FBXO41: variants seen among roughly 807,000 people sequenced by gnomAD.
The protein encoded by FBXO41 is F-box protein 41.
In FBXO41, 33 loss-of-function variants were observed where a neutral mutation model predicts 81.6. That is an observed-to-expected ratio of 0.40 (90% CI 0.31 to 0.54). The LOEUF (loss-of-function observed/expected upper bound fraction) is 0.54, where lower values mean the gene tolerates loss of function less well. Among genes scored for constraint, FBXO41 ranks in the 20% least tolerant of loss-of-function variants. FBXO41 has a pLI of 0.39. For missense variants in FBXO41, 1,107 were observed against 1,236.0 expected, an observed-to-expected ratio of 0.90 and a Z score of 1.56; for synonymous variants, 576 against 552.7, an observed-to-expected ratio of 1.04 and a Z score of -0.59.
intron 1 of FBXO41, among the ~76,000 whole-genome samples, chr2:73,270,233 A>G (rs1574387359): frequency 6.6e-6 from 1 of 152,192 alleles, no homozygotes; most frequent in East Asian, 1.9e-4. Context: ...TTGATGATGA[A>G]GTCAGCATAG....
chr2:73,264,232 A>G (rs1416371868), intron 6 of FBXO41, 46 bp downstream of exon 6: 1 of 1,610,560 alleles, frequency 6.2e-7, no homozygotes, highest in Non-Finnish European at 8.5e-7. Flanking sequence ...CCCAGGGGGA[A>G]AGGTGGGTTC....
chr2:73,258,800 C>A lies in FBXO41; in HGVS notation c.*182G>T, dbSNP rs1207986207. ...AAGCCCCTGTACTGGGGAGGCAGTG[C>A]CCTGGGTCAGGCCTGTTGCTCTGCT... On this transcript the variant is annotated 3_prime_UTR_variant, in exon 13 of 13. Coordinates refer to ENST00000520530, the MANE Select transcript of FBXO41 (RefSeq NM_001371389.2). 3.0e-6 allele frequency: 2 copies of A among 666,516 alleles called. No homozygotes were observed. The highest frequency in any genetic ancestry group is 4.9e-6 in the Non-Finnish European group (2 of 405,286). 41.3% of individuals were successfully genotyped at this position (666,516 alleles called of 1,614,324 possible). A position where few individuals can be genotyped will look rare whatever the true frequency, so the allele number is the denominator to read the frequency against.
chr2:73,265,055 C>T (rs963064100), intron 5 of FBXO41, among the ~76,000 whole-genome samples: 9 of 152,134 alleles, frequency 5.9e-5, no homozygotes, highest in Admixed American at 2.0e-4. Context: ...GAGCCTACCA[C>T]GTGAATGGCC....
At chr2:73,278,769 G>T (rs1688762287) in intron 1 of FBXO41, among the ~76,000 whole-genome samples, 1 of 152,228 alleles carries the variant, frequency 6.6e-6, no homozygotes, top group Admixed American at 6.5e-5. Flanking sequence ...GGTAGGAGAA[G>T]AAAGACAATC....
At chr2:73,279,990 A>G (rs1688800661) in intron 1 of FBXO41, among the ~76,000 whole-genome samples, 1 of 152,164 alleles carries the variant, frequency 6.6e-6, no homozygotes, top group South Asian at 2.1e-4. Flanking sequence ...TGGCGGCTCA[A>G]AGCTTAACGT....
chr2:73,268,617 A>G, intron 2 of FBXO41, 109 bp downstream of exon 2: 1 of 1,111,230 alleles, frequency 9.0e-7, no homozygotes, highest in Non-Finnish European at 1.2e-6. Flanking sequence ...ATCCTCTATT[A>G]CAAAGCCATG....
rs753971206 is a variant in FBXO41 at position 73,268,789 on chromosome 2, T to A, written c.842A>T (p.Glu281Val). ...ELSRQVDVSVELLASLKQDLV... is the reference protein window; with the variant it reads ...ELSRQVDVSVVLLASLKQDLV... The stretch of plus-strand genomic sequence containing the variant: ...GTCCTGCTTGAGTGAGGCCAGCAGC[T>A]CTACGCTCACGTCCACCTGGCGGGA... Residue 281 changes from glutamate to valine, a missense_variant, in exon 2 of 13, where the codon GAG becomes GTG. Around this residue, in one of 2 missense-constraint regions of FBXO41, gnomAD observed 771 missense variants for 789.2 expected, o/e 0.98. Coordinates refer to ENST00000520530, the MANE Select transcript of FBXO41 (RefSeq NM_001371389.2). 2 of 1,582,876 alleles carry A rather than the reference T, an allele frequency of 1.3e-6. No homozygotes were observed. Among genetic ancestry groups the A allele is most frequent in the Non-Finnish European group, 1.7e-6 (2 of 1,164,696 alleles).
rs552313988 is a variant in FBXO41, at chr2:73,274,511, G to A, written c.-138-4743C>T. 3.6e-4 allele frequency among the ~76,000 whole-genome samples: 54 copies of A among 152,050 alleles called. 1 individual carries two copies. In the South Asian group the frequency reaches 5.6e-3, roughly 16 times the overall value. Reference sequence around the variant, plus strand: ...TTTTAAATTATGCCGCCGTAAAATCGGATTTTGTTATTATGCTTAGGAAAT... The same window carrying A: ...TTTTAAATTATGCCGCCGTAAAATCAGATTTTGTTATTATGCTTAGGAAAT... On this transcript the variant is annotated intron_variant, in intron 1 of 12. Transcript: ENST00000520530.
At position 73,265,958 on chromosome 2, in the gene FBXO41, G is replaced by A. The variant is rs773166961; in HGVS notation, c.1140C>T (p.His380=). 7 of 1,573,760 alleles carry A rather than the reference G, an allele frequency of 4.4e-6. No individual in the cohort carries two copies. In the East Asian group the frequency reaches 1.4e-4, roughly 31 times the overall value. ...NARGPGRMRE[H]HVGPAVPNTY... is the part of the protein sequence containing the mutation. ...TGTTAGGCACGGCCGGGCCCACGTG[G>A]TGTTCTCGCTGTGGGCCCCCAGAGC... Residue 380 remains histidine, a synonymous_variant, in exon 4 of 13, where the codon CAC becomes CAT. Coordinates refer to ENST00000520530, the MANE Select transcript of FBXO41 (RefSeq NM_001371389.2).
intron 1 of FBXO41, among the ~76,000 whole-genome samples, chr2:73,279,302 G>A (rs1558593803): frequency 6.6e-6 from 1 of 152,194 alleles, no homozygotes. Flanking sequence ...GATTCCATGA[G>A]GTTGAGGTTC....
At chr2:73,274,173 TC>T (rs1282619745) in intron 1 of FBXO41, among the ~76,000 whole-genome samples, 1 of 152,144 alleles carries the variant, frequency 6.6e-6, no homozygotes, top group African/African-American at 2.4e-5. Flanking sequence ...GCAGCCAAAC[TC>T]CTCAGCTTCA....
In FBXO41 at chr2:73,264,338, C is replaced by T. The variant is rs1383891268; in HGVS notation, c.1746G>A (p.Val582=). 1 of 1,613,552 alleles carries T rather than the reference C, an allele frequency of 6.2e-7. No individual in the cohort carries two copies. Among genetic ancestry groups the T allele is most frequent in the Non-Finnish European group, 8.5e-7 (1 of 1,179,900 alleles). The change falls in exon 6 of 13, where the codon GTG becomes GTA. Residue 582 remains valine (V), a synonymous_variant. Coordinates refer to ENST00000520530, the MANE Select transcript of FBXO41 (RefSeq NM_001371389.2). The part of the protein sequence containing the change: ...AAEVCRDWRF[V]ARHPAVWTRV... ...TTGTCCAGACTGCGGGGTGGCGGGC[C>T]ACGAAGCGCCAGTCCCGGCAGACCT...
intron 1 of FBXO41, among the ~76,000 whole-genome samples, chr2:73,273,453 A>G (rs559475001): frequency 7.4e-4 from 113 of 152,266 alleles, no homozygotes; most frequent in African/African-American, 2.7e-3. Flanking sequence ...TCCCTTTGAG[A>G]ACCATTGCCT....
chr2:73,264,250 G>T, intron 6 of FBXO41, 28 bp downstream of exon 6: 1 of 1,612,752 alleles, frequency 6.2e-7, no homozygotes, highest in Non-Finnish European at 8.5e-7. Flanking sequence ...TTCACAGCAG[G>T]GCACAGAAGG....
In FBXO41 at chr2:73,258,805, G is replaced by C; in HGVS notation, c.*177C>G. ...CCTGTACTGGGGAGGCAGTGCCCTG[G>C]GTCAGGCCTGTTGCTCTGCTGCTCC... is the stretch of plus-strand genomic sequence containing the variant. On this transcript the variant is annotated 3_prime_UTR_variant, in exon 13 of 13. Coordinates refer to ENST00000520530, the MANE Select transcript of FBXO41 (RefSeq NM_001371389.2). The C allele has an allele frequency of 1.4e-6, 1 of 693,692 alleles. No individual in the cohort carries two copies. Among genetic ancestry groups the C allele is most frequent in the Non-Finnish European group, 2.3e-6 (1 of 427,092 alleles). The allele number at this position is 693,692 out of a possible 1,614,324, so 43.0% of individuals were successfully genotyped here. A position where few individuals can be genotyped will look rare whatever the true frequency, so the allele number is the denominator to read the frequency against.
Position 73,259,403 on chromosome 2 carries a change from G to T in FBXO41, c.2450-107C>A. The T allele has an allele frequency of 1.1e-6, 1 of 936,174 alleles. No individual in the cohort carries two copies. The highest frequency in any genetic ancestry group is 1.7e-6 in the Non-Finnish European group (1 of 596,488). The allele number at this position is 936,174 out of a possible 1,614,324, so 58.0% of individuals were successfully genotyped here. The stretch of plus-strand genomic sequence containing the variant: ...CAGACAATCAGGTGCCAGCTACCGG[G>T]AACACGACAGAGGAGAGCAGACTCA... On this transcript the variant is annotated intron_variant, in intron 11 of 12. Coordinates refer to ENST00000520530, the MANE Select transcript of FBXO41 (RefSeq NM_001371389.2). The surrounding 1 kb of genome is among the most constrained non-coding windows in gnomAD (Gnocchi z 4.2).
chr2:73,263,185 C>T lies in FBXO41; in HGVS notation c.2171+28G>A. ...GACCAGGCCCAACCGTGTCCCCCCT[C>T]CTATCCCCCAAACCTGCCAGGGCTC... is the stretch of plus-strand genomic sequence containing the variant. On this transcript the variant is annotated intron_variant, in intron 9 of 12. Coordinates refer to ENST00000520530, the MANE Select transcript of FBXO41 (RefSeq NM_001371389.2). The T allele has an allele frequency of 1.9e-6, 3 of 1,544,066 alleles. No homozygotes were observed. In the South Asian group the frequency reaches 3.6e-5, roughly 18 times the overall value.
At chr2:73,281,958 A>C (rs1199382056) in intron 1 of FBXO41, among the ~76,000 whole-genome samples, 1 of 152,242 alleles carries the variant, frequency 6.6e-6, no homozygotes, top group Non-Finnish European at 1.5e-5. Flanking sequence ...TCATACTAAC[A>C]GTGTAATACA....
intron 1 of FBXO41, among the ~76,000 whole-genome samples, chr2:73,281,495 T>A (rs781196841): frequency 3.0e-4 from 46 of 152,338 alleles, no homozygotes; most frequent in Non-Finnish European, 5.4e-4. Context: ...TTTGGCCAAC[T>A]GGACATTTGC....
Sources: allele counts gnomAD v4.1 joint callset (sites outside exome capture counted in the v4.1 genomes callset), GRCh38; gene constraint gnomAD v4.1.1; regional missense constraint gnomAD v4.1.1; non-coding constraint Gnocchi (gnomAD v3.1); transcripts MANE v1.5; gene names NCBI Gene and HGNC (gene_info 2026-07-23, HGNC 2026-07-21).